RIC1: variants seen among roughly 807,000 people sequenced by gnomAD.
RIC1 encodes guanine nucleotide exchange factor subunit RIC1.
Under a neutral mutation model 169.0 loss-of-function variants are expected in RIC1, and 88 were observed. That is an observed-to-expected ratio of 0.52 (90% CI 0.44 to 0.62). The LOEUF is 0.62. RIC1 is among the 20% of genes least tolerant of loss of function. The pLI, the probability that RIC1 is intolerant of heterozygous loss-of-function variation, is 0.00. For missense variants in RIC1, 1,877 were observed against 1,725.5 expected (o/e 1.09, Z -1.56); for synonymous variants, 790 against 601.5 (o/e 1.31, Z -4.59).
At chr9:5,751,383 T>A (rs540370829) in intron 12 of RIC1, among the ~76,000 whole-genome samples, 3 of 151,846 alleles carry the variant, frequency 2.0e-5, no homozygotes, top group East Asian at 3.9e-4. Flanking sequence ...GGAGACAGAG[T>A]CTCACTCTGT....
intron 14 of RIC1, among the ~76,000 whole-genome samples, chr9:5,753,919 C>G (rs545757830): frequency 6.6e-6 from 1 of 152,226 alleles, no homozygotes; most frequent in East Asian, 1.9e-4. Context: ...TTTATTCTTA[C>G]ATTCCAGCTT....
intron 3 of RIC1, among the ~76,000 whole-genome samples, chr9:5,698,930 G>A (rs1186091186): frequency 2.0e-5 from 3 of 152,174 alleles, no homozygotes; most frequent in African/African-American, 7.2e-5. Flanking sequence ...TTTGAAGAAT[G>A]ACAAAACTTT....
chr9:5,747,422 G>A lies in RIC1; in HGVS notation c.1369G>A (p.Glu457Lys). 6.2e-7 allele frequency: 1 copy of A among 1,614,098 alleles called. No homozygotes were observed. The change falls in exon 12 of 26, where the codon GAA becomes AAA. Residue 457 changes from glutamate (E) to lysine (K), a missense_variant. Physicochemically the swap from Glu to Lys is moderately conservative, Grantham distance 56. Coordinates refer to ENST00000414202, the MANE Select transcript of RIC1 (RefSeq NM_020829.4). ...ACACTCTGAGCATAAGCCCAGTCGAGAAAAGAGCCCATTTGCAGATGGAGG... is the reference window on the plus strand; with the variant it reads ...ACACTCTGAGCATAAGCCCAGTCGAAAAAAGAGCCCATTTGCAGATGGAGG... ...STHSEHKPSR[E>K]KSPFADGGLE...
At chr9:5,770,989 A>G (rs1222666985) in intron 23 of RIC1, among the ~76,000 whole-genome samples, 1 of 152,124 alleles carries the variant, frequency 6.6e-6, no homozygotes, top group Non-Finnish European at 1.5e-5. Context: ...CTAATGTTTG[A>G]TTATCAGTCT....
In RIC1 at chr9:5,770,284, T is replaced by C. The variant is rs549348994; in HGVS notation, c.3616+6T>C. 1.2e-6 allele frequency: 2 copies of C among 1,608,938 alleles called. No individual in the cohort carries two copies. The highest frequency in any genetic ancestry group is 2.2e-5 in the East Asian group (1 of 44,770). ...GTCACCTTTATCTAATAAAGGTAAA[T>C]GTAATTTTAAATCCTAGCTCTTCAG... On this transcript the variant is annotated splice_donor_region_variant and intron_variant, in intron 23 of 25. Transcript: ENST00000414202.
chr9:5,729,246 G>C (rs1824207103), intron 6 of RIC1, among the ~76,000 whole-genome samples: 1 of 152,068 alleles, frequency 6.6e-6, no homozygotes, highest in Non-Finnish European at 1.5e-5. Flanking sequence ...GTTTTGTTTT[G>C]TTTTTCTCCA....
chr9:5,678,944 C>T (rs1820628290), intron 2 of RIC1, among the ~76,000 whole-genome samples: 3 of 151,078 alleles, frequency 2.0e-5, no homozygotes, highest in African/African-American at 2.5e-5. Context: ...AATGGTATTG[C>T]CTAGGTTTTC....
At chr9:5,703,740 T>C (rs528002974) in intron 3 of RIC1, among the ~76,000 whole-genome samples, 1 of 152,374 alleles carries the variant, frequency 6.6e-6, no homozygotes, top group South Asian at 2.1e-4. Flanking sequence ...TATTTTGTTA[T>C]ATGGATTTAC....
Position 5,774,360 on chromosome 9 carries a change from A to C in RIC1, c.*114A>C. On this transcript the variant is annotated 3_prime_UTR_variant, in exon 26 of 26. Transcript: ENST00000414202. ...GAACTCAGTTCAGAGACTCTTCGGT[A>C]AGTATTAGTAGATTTTAACTAATTC... 1 of 833,640 alleles carries C rather than the reference A, an allele frequency of 1.2e-6. No homozygotes were observed. The highest frequency in any genetic ancestry group is 1.8e-6 in the Non-Finnish European group (1 of 551,712). The allele number at this position is 833,640 out of a possible 1,614,324, so 51.6% of individuals were successfully genotyped here.
At chr9:5,654,115 C>T (rs969917321) in intron 1 of RIC1, among the ~76,000 whole-genome samples, 1 of 152,090 alleles carries the variant, frequency 6.6e-6, no homozygotes, top group Non-Finnish European at 1.5e-5. Flanking sequence ...TCTCCCACTT[C>T]AGCCTCCTGA....
chr9:5,694,121 A>G (rs763713226), intron 3 of RIC1, among the ~76,000 whole-genome samples: 1 of 152,176 alleles, frequency 6.6e-6, no homozygotes, highest in African/African-American at 2.4e-5. Context: ...CTGGAAAGGA[A>G]GAAGAGCATA....
chr9:5,634,344 A>T (rs755573287), intron 1 of RIC1, among the ~76,000 whole-genome samples: 1 of 152,156 alleles, frequency 6.6e-6, no homozygotes, highest in Non-Finnish European at 1.5e-5. Flanking sequence ...AGTCCCGTCA[A>T]TAGTGTACAG....
In RIC1 at chr9:5,687,972, A is replaced by T. The variant is rs113972939; in HGVS notation, c.253-1987A>T. Among the ~76,000 whole-genome samples, 46 of 152,016 alleles carry T rather than the reference A, an allele frequency of 3.0e-4. 1 individual carries two copies. Among genetic ancestry groups the T allele is most frequent in the African/African-American group, 1.1e-3 (45 of 41,460 alleles). ...TAATTTTTATTGCTGTGCTTTTCTG[A>T]TCATTGTCTAACCTGTCATTCATCC... On this transcript the variant is annotated intron_variant, in intron 2 of 25. Transcript: ENST00000414202.
intron 3 of RIC1, among the ~76,000 whole-genome samples, chr9:5,707,824 A>G (rs1563916383): frequency 6.6e-6 from 1 of 152,118 alleles, no homozygotes; most frequent in Non-Finnish European, 1.5e-5. Context: ...ATTCGAATCC[A>G]TTCTGATAAT....
At chr9:5,688,848 A>G (rs1230283696) in intron 2 of RIC1, among the ~76,000 whole-genome samples, 1 of 152,114 alleles carries the variant, frequency 6.6e-6, no homozygotes, top group East Asian at 1.9e-4. Context: ...GGAATTCAGT[A>G]TTACTGTAAA....
At chr9:5,650,656 C>T (rs897211858) in intron 1 of RIC1, among the ~76,000 whole-genome samples, 5 of 152,018 alleles carry the variant, frequency 3.3e-5, no homozygotes, top group African/African-American at 9.7e-5. Flanking sequence ...AAGTGTGCTG[C>T]AGTCTTGCTG....
intron 3 of RIC1, among the ~76,000 whole-genome samples, chr9:5,694,815 A>C (rs868103844): frequency 6.8e-6 from 1 of 147,812 alleles, no homozygotes; most frequent in Non-Finnish European, 1.5e-5. Flanking sequence ...TTTTGGTTCT[A>C]TGAAAAGTCT....
chr9:5,734,072 TATA>T (rs1209775692), intron 7 of RIC1, among the ~76,000 whole-genome samples: 4 of 147,188 alleles, frequency 2.7e-5, no homozygotes, highest in African/African-American at 9.9e-5. Context: ...TATAAATATA[TATA>T]ATATATATTT....
At chr9:5,709,502 A>T (rs1282879812) in intron 3 of RIC1, among the ~76,000 whole-genome samples, 1 of 152,208 alleles carries the variant, frequency 6.6e-6, no homozygotes, top group Non-Finnish European at 1.5e-5. Context: ...AGTGGAGATA[A>T]TTCCTGTCTC....
Sources: gnomAD v4.1 joint callset for allele counts (sites outside exome capture counted in the v4.1 genomes callset) on GRCh38, gnomAD v4.1.1 for gene constraint, MANE v1.5 for transcripts, NCBI Gene and HGNC (gene_info 2026-07-23, HGNC 2026-07-21) for gene names.